The following GPM6A variants were observed in gnomAD, a reference collection of about 807,000 sequenced individuals.
GPM6A encodes neuronal membrane glycoprotein M6-a.
GPM6A carries 7 observed loss-of-function variants against 32.1 expected under a neutral mutation model. The observed-to-expected ratio is 0.22, with a 90% confidence interval of 0.12 to 0.41. GPM6A has a LOEUF of 0.41. Among genes scored for constraint, GPM6A ranks in the 10% least tolerant of loss-of-function variants. The probability of loss-of-function intolerance (pLI) is 1.00; values close to 1 mark genes in which losing one functional copy is unlikely to be tolerated. For synonymous variants in GPM6A, 130 were observed against 123.4 expected, an observed-to-expected ratio of 1.05 and a Z score of -0.35; for missense variants, 235 against 347.2, an observed-to-expected ratio of 0.68 and a Z score of 2.57.
chr4:175,808,279 T>A (rs567366581), intron 1 of GPM6A, among the ~76,000 whole-genome samples: 2 of 152,200 alleles, frequency 1.3e-5, no homozygotes, highest in East Asian at 1.9e-4. Context: ...ATACAGTATA[T>A]CCTTGTGTGC....
At chr4:175,646,340 G>A (rs2110902737) in intron 4 of GPM6A, among the ~76,000 whole-genome samples, 2 of 152,314 alleles carry the variant, frequency 1.3e-5, no homozygotes, top group East Asian at 3.9e-4. Context: ...CCTATTAGGA[G>A]TATATGTATC....
chr4:175,684,673 T>C (rs756301607), intron 2 of GPM6A, among the ~76,000 whole-genome samples: 8 of 152,238 alleles, frequency 5.3e-5, no homozygotes, highest in Non-Finnish European at 1.2e-4. Context: ...ACTTCTGTCA[T>C]ACAATGAATT....
At chr4:175,719,596 C>T (rs1363542684) in intron 1 of GPM6A, among the ~76,000 whole-genome samples, 1 of 151,990 alleles carries the variant, frequency 6.6e-6, no homozygotes, top group Non-Finnish European at 1.5e-5. Flanking sequence ...GGGTATGTAA[C>T]AATTAATTTG....
intron 1 of GPM6A, among the ~76,000 whole-genome samples, chr4:175,856,656 G>A (rs969127813): frequency 6.6e-6 from 1 of 152,200 alleles, no homozygotes; most frequent in African/African-American, 2.4e-5. Flanking sequence ...TTGAAGGTTG[G>A]TGTATGCAGA....
At chr4:175,733,118 C>T (rs978747597) in intron 1 of GPM6A, among the ~76,000 whole-genome samples, 2 of 152,110 alleles carry the variant, frequency 1.3e-5, no homozygotes, top group Non-Finnish European at 2.9e-5. Context: ...TACAAAATCA[C>T]TGTTTTTTTT....
intron 1 of GPM6A, among the ~76,000 whole-genome samples, chr4:175,734,160 A>ATTTT (rs571067488): frequency 1.6e-5 from 2 of 122,666 alleles, no homozygotes; most frequent in African/African-American, 6.0e-5. Context: ...ATATATATAT[A>ATTTT]TTTTTTAATT....
chr4:175,659,268 C>T (rs768914906), intron 3 of GPM6A, among the ~76,000 whole-genome samples: 96 of 151,882 alleles, frequency 6.3e-4, no homozygotes, highest in Middle Eastern at 3.4e-3. Context: ...GTAGTAGAGA[C>T]GCGGTTTCAC....
chr4:175,968,407 A>T (rs1454150226), intron 1 of GPM6A, among the ~76,000 whole-genome samples: 2 of 152,204 alleles, frequency 1.3e-5, no homozygotes, highest in South Asian at 2.1e-4. Flanking sequence ...ATGACTCATG[A>T]AAGAAAATAT....
chr4:175,956,281 T>C (rs1324845421), intron 1 of GPM6A, among the ~76,000 whole-genome samples: 3 of 152,178 alleles, frequency 2.0e-5, no homozygotes, highest in Admixed American at 6.5e-5. Flanking sequence ...TTTTGATGGA[T>C]GTTAGAGAAA....
intron 1 of GPM6A, among the ~76,000 whole-genome samples, chr4:175,798,087 C>A (rs1444681471): frequency 6.6e-6 from 1 of 152,132 alleles, no homozygotes; most frequent in Non-Finnish European, 1.5e-5. Context: ...CTTGCTAAAG[C>A]AAACTAATGT....
intron 1 of GPM6A, among the ~76,000 whole-genome samples, chr4:175,875,117 C>T (rs185178874): frequency 1.3e-5 from 2 of 152,270 alleles, no homozygotes; most frequent in East Asian, 3.9e-4. Flanking sequence ...ACTCCTGGGA[C>T]TTTGAACCTT....
intron 1 of GPM6A, among the ~76,000 whole-genome samples, chr4:175,810,930 T>C (rs532077008): frequency 9.2e-4 from 140 of 152,316 alleles, no homozygotes; most frequent in Admixed American, 2.4e-3. Flanking sequence ...TGTAGATTTT[T>C]GTGTTTCTAT....
At chr4:175,890,630 A>C (rs143191928) in intron 1 of GPM6A, among the ~76,000 whole-genome samples, 1,772 of 151,928 alleles carry the variant, frequency 0.012, 36 homozygotes, top group African/African-American at 0.04. Flanking sequence ...GCAGTGGTGC[A>C]ATCATGGCCC....
rs370772490 is a variant in GPM6A at position 175,644,844 on chromosome 4, C to T, written c.542-4015G>A. On this transcript the variant is annotated intron_variant, in intron 4 of 6. Coordinates refer to ENST00000393658, the MANE Select transcript of GPM6A (RefSeq NM_201591.3). ...AAGGGAGGCCAGGCGCAGTGGCTCA[C>T]GCCTGTAATCCCAGCACTTTAGGAG... 4.5e-4 allele frequency among the ~76,000 whole-genome samples: 69 copies of T among 152,248 alleles called. 4 individuals carry two copies. The highest frequency in any genetic ancestry group is 4.6e-4 in the Admixed American group (7 of 15,298).
intron 1 of GPM6A, among the ~76,000 whole-genome samples, chr4:175,938,194 A>G (rs1397906663): frequency 1.3e-5 from 2 of 152,228 alleles, no homozygotes; most frequent in Admixed American, 1.3e-4. Context: ...ACATAGCAAT[A>G]ATATTTTGTA....
At chr4:175,764,549 A>G (rs1468842435) in intron 1 of GPM6A, among the ~76,000 whole-genome samples, 2 of 152,166 alleles carry the variant, frequency 1.3e-5, no homozygotes, top group Non-Finnish European at 2.9e-5. Context: ...AGAATACAAG[A>G]TTTGGGGAAA....
intron 2 of GPM6A, among the ~76,000 whole-genome samples, chr4:175,691,567 T>C (rs1744300788): frequency 6.6e-6 from 1 of 152,216 alleles, no homozygotes; most frequent in South Asian, 2.1e-4. Context: ...ATATTATGAA[T>C]ATTTTAAACT....
chr4:175,716,802 A>T (rs1437063760), intron 1 of GPM6A, among the ~76,000 whole-genome samples: 2 of 152,222 alleles, frequency 1.3e-5, no homozygotes, highest in Non-Finnish European at 2.9e-5. Context: ...TTTTTCTTAA[A>T]GGAATTTATG....
intron 1 of GPM6A, among the ~76,000 whole-genome samples, chr4:175,776,417 G>A (rs192830789): frequency 4.7e-3 from 717 of 152,246 alleles, no homozygotes; most frequent in Non-Finnish European, 8.0e-3. Context: ...TCAGGAAGGA[G>A]GGACAGAAGC....
Sources: allele counts gnomAD v4.1 joint callset (sites outside exome capture counted in the v4.1 genomes callset), GRCh38; gene constraint gnomAD v4.1.1; transcripts MANE v1.5; gene names NCBI Gene and HGNC (gene_info 2026-07-23, HGNC 2026-07-21).